Variants in CRY1 observed in about 807,000 individuals in gnomAD.
CRY1 encodes cryptochrome-1.
CRY1 carries 45 observed loss-of-function variants against 76.0 expected under a neutral mutation model. The ratio of observed to expected loss-of-function variants is 0.59; its 90% CI spans 0.47 to 0.76. The LOEUF is 0.76. Among genes scored for constraint, CRY1 ranks in the 30% least tolerant of loss-of-function variants. CRY1 has a pLI of 0.00. For synonymous variants in CRY1, 248 were observed against 244.0 expected (o/e 1.02, Z -0.15); for missense variants, 587 against 716.4 (o/e 0.82, Z 2.06).
At chr12:107,044,003 T>C (rs758248754) in intron 1 of CRY1, among the ~76,000 whole-genome samples, 3 of 152,152 alleles carry the variant, frequency 2.0e-5, no homozygotes, top group Non-Finnish European at 4.4e-5. Context: ...GAATCATAGC[T>C]ACAACTCAGC....
rs142369174 is a variant in CRY1, at chr12:107,076,370, G to A, written c.158+16434C>T. Among the ~76,000 whole-genome samples, 660 of 152,154 alleles carry A rather than the reference G, an allele frequency of 4.3e-3. 2 individuals are homozygous for A. The highest frequency in any genetic ancestry group is 0.015 in the African/African-American group (633 of 41,498). On this transcript the variant is annotated intron_variant, in intron 1 of 12. Transcript: ENST00000008527. The stretch of plus-strand genomic sequence containing the variant: ...GCATGCCTGTAATCCCAGCACTTTG[G>A]GAGGCTGAGGCAGGCAGATTGCTTG...
In CRY1 at chr12:107,086,886, G is replaced by C. The variant is rs572083124; in HGVS notation, c.158+5918C>G. ...AACTCACTGTAGAGCAGCGGGAACA[G>C]GGGCACTGCCCTCCAGGACCCACAG... is the stretch of plus-strand genomic sequence containing the variant. On this transcript the variant is annotated intron_variant, in intron 1 of 12. Transcript: ENST00000008527. Among the ~76,000 whole-genome samples the C allele has an allele frequency of 1.1e-4, 17 of 152,296 alleles. No individual in the cohort carries two copies. The South Asian group carries it at 3.1e-3, about 28-fold the overall frequency.
intron 1 of CRY1, among the ~76,000 whole-genome samples, chr12:107,066,123 C>T (rs1250162921): frequency 6.6e-6 from 1 of 152,194 alleles, no homozygotes; most frequent in African/African-American, 2.4e-5. Flanking sequence ...TACAACCCTC[C>T]TTTGTGTGTG....
intron 1 of CRY1, among the ~76,000 whole-genome samples, chr12:107,065,735 T>C (rs543447299): frequency 1.1e-4 from 17 of 152,324 alleles, no homozygotes; most frequent in African/African-American, 3.4e-4. Context: ...ATCCATACCA[T>C]GAAAGATAAG....
chr12:107,050,670 T>G (rs1430517876), intron 1 of CRY1, among the ~76,000 whole-genome samples: 3 of 152,170 alleles, frequency 2.0e-5, no homozygotes, highest in Non-Finnish European at 4.4e-5. Context: ...ATAAATTACC[T>G]AGTCTGAGAT....
At chr12:107,050,048 T>TA (rs1246822625) in intron 1 of CRY1, 3 of 151,352 alleles carry the variant, frequency 2.0e-5, no homozygotes, top group Admixed American at 6.6e-5. Context: ...AGTAAGGAGA[T>TA]AAAGAAAATG....
At chr12:107,004,100 T>C (rs1952343980) in intron 3 of CRY1, among the ~76,000 whole-genome samples, 1 of 152,134 alleles carries the variant, frequency 6.6e-6, no homozygotes, top group Non-Finnish European at 1.5e-5. Context: ...CCATCGCGCC[T>C]AGCCTAAACA....
intron 2 of CRY1, among the ~76,000 whole-genome samples, chr12:107,021,701 C>CAT (rs374074665): frequency 1.8e-4 from 28 of 151,482 alleles, no homozygotes; most frequent in East Asian, 5.8e-4. Flanking sequence ...TGTGTATACA[C>CAT]ATATATATAT....
intron 1 of CRY1, among the ~76,000 whole-genome samples, chr12:107,032,231 G>A (rs748301785): frequency 2.2e-3 from 339 of 152,312 alleles, no homozygotes; most frequent in Non-Finnish European, 3.9e-3. Flanking sequence ...ACCACGCCCG[G>A]CCAGTACTAT....
intron 1 of CRY1, among the ~76,000 whole-genome samples, chr12:107,048,484 C>G (rs1952875505): frequency 6.6e-6 from 1 of 152,118 alleles, no homozygotes. Context: ...CTGGCAAAAC[C>G]CCTCTAGATT....
intron 10 of CRY1, among the ~76,000 whole-genome samples, 174 bp from the exon 11 acceptor site, chr12:106,993,210 T>TA (rs1341921864): frequency 2.0e-5 from 3 of 152,048 alleles, no homozygotes; most frequent in Non-Finnish European, 4.4e-5. Context: ...CAGGAAAACT[T>TA]AAATTTAGGC....
At chr12:107,060,036 T>TCC (rs544030583) in intron 1 of CRY1, among the ~76,000 whole-genome samples, 1 of 152,220 alleles carries the variant, frequency 6.6e-6, no homozygotes, top group Admixed American at 6.5e-5. Context: ...TCAGTTGTAG[T>TCC]CCCCATCCAT....
At chr12:106,996,348 C>T (rs1952233682) in intron 10 of CRY1, among the ~76,000 whole-genome samples, 1 of 152,220 alleles carries the variant, frequency 6.6e-6, no homozygotes, top group African/African-American at 2.4e-5. Flanking sequence ...ATATGTACCA[C>T]ATTTTCTTTA....
intron 1 of CRY1, among the ~76,000 whole-genome samples, chr12:107,072,205 T>C (rs1953198684): frequency 6.6e-6 from 1 of 152,230 alleles, no homozygotes; most frequent in African/African-American, 2.4e-5. Flanking sequence ...CTATTTTTTA[T>C]GACTACTCAG....
chr12:107,091,045 CTTT>C, intron 1 of CRY1, among the ~76,000 whole-genome samples: 1 of 146,076 alleles, frequency 6.8e-6, no homozygotes, highest in Admixed American at 6.8e-5. Context: ...ACTATAAGTC[CTTT>C]TTTTTTTTTC....
chr12:107,026,660 G>GT (rs1383699347), intron 1 of CRY1, among the ~76,000 whole-genome samples: 1 of 152,036 alleles, frequency 6.6e-6, no homozygotes, highest in African/African-American at 2.4e-5. Flanking sequence ...GGTGTCTTGT[G>GT]TAACTGTTGA....
At chr12:107,041,877 C>T (rs932447229) in intron 1 of CRY1, among the ~76,000 whole-genome samples, 2 of 152,042 alleles carry the variant, frequency 1.3e-5, no homozygotes, top group African/African-American at 4.8e-5. Context: ...TAAATATCGT[C>T]CCCCAATAAG....
intron 2 of CRY1, among the ~76,000 whole-genome samples, chr12:107,018,916 CA>C (rs1952524588): frequency 6.6e-6 from 1 of 152,160 alleles, no homozygotes; most frequent in South Asian, 2.1e-4. Context: ...GTGAATGACA[CA>C]GAAGAAAGAT....
In CRY1 at chr12:106,997,700, A is replaced by G. The variant is rs1952249263; in HGVS notation, c.1290-10T>C. 6 of 1,613,054 alleles carry G rather than the reference A, an allele frequency of 3.7e-6. No homozygotes were observed. Among genetic ancestry groups the G allele is most frequent in the Non-Finnish European group, 5.1e-6 (6 of 1,179,670 alleles). Reference sequence around the variant, plus strand: ...GACAGGCAAATAACGCCTTTGGGAGAAAAAAGAAAGATTACTAATAAAATG... The same window carrying G: ...GACAGGCAAATAACGCCTTTGGGAGGAAAAAGAAAGATTACTAATAAAATG... On this transcript the variant is annotated splice_polypyrimidine_tract_variant and intron_variant, in intron 8 of 12. Coordinates refer to ENST00000008527, the MANE Select transcript of CRY1 (RefSeq NM_004075.5).
Sources: gnomAD v4.1 joint callset for allele counts (sites outside exome capture counted in the v4.1 genomes callset) on GRCh38, gnomAD v4.1.1 for gene constraint, MANE v1.5 for transcripts, NCBI Gene and HGNC (gene_info 2026-07-23, HGNC 2026-07-21) for gene names.